Variants in NME9 observed in about 807,000 individuals in gnomAD.
The protein encoded by NME9 is NME/NM23 family member 9, also known as thioredoxin domain-containing protein 6.
A neutral mutation model predicts 44.4 loss-of-function variants in NME9; 48 were observed. The ratio of observed to expected loss-of-function variants is 1.08; its 90% confidence interval spans 0.86 to 1.37. NME9 has a LOEUF of 1.37. NME9 is among the 40% of genes most tolerant of loss of function. NME9 has a pLI of 0.00. For missense variants in NME9, 325 were observed against 405.2 expected (o/e 0.80, Z 1.70); for synonymous variants, 139 against 147.1 (o/e 0.94, Z 0.40).
intron 8 of NME9, 22 bp from the exon 9 acceptor site, chr3:138,305,049 A>C: frequency 1.2e-6 from 2 of 1,611,780 alleles, no homozygotes; most frequent in Non-Finnish European, 1.7e-6. Context: ...GAGGGAAAAC[A>C]GTGACCAGGG....
At chr3:138,308,414 T>G (rs1480895829) in intron 6 of NME9, among the ~76,000 whole-genome samples, 6 of 152,138 alleles carry the variant, frequency 3.9e-5, no homozygotes, top group African/African-American at 1.2e-4. Flanking sequence ...CCTTCCTAAC[T>G]GTTAGCTTTT....
chr3:138,270,013 A>AT (rs112482442), intron 8 of NME9: 5,989 of 1,393,190 alleles, frequency 4.3e-3, no homozygotes, highest in Non-Finnish European at 4.7e-3. Flanking sequence ...TAAAGCTGTG[A>AT]TTTTTTTTTT....
chr3:138,301,679 C>A lies in NME9; in HGVS notation c.954G>T (p.Gly318=), dbSNP rs1577109752. Residue 318 remains glycine, a synonymous_variant, in exon 11 of 11, where the codon GGG becomes GGT. Transcript: ENST00000333911. ...PQGGEAEATA[G]PTEALCFPED... Reference sequence around the variant, plus strand: ...CAGGAAAGCAAAGCGCCTCAGTGGGCCCCGCTGTTGCTTCAGCCTCACCGC... The same window carrying A: ...CAGGAAAGCAAAGCGCCTCAGTGGGACCCGCTGTTGCTTCAGCCTCACCGC... 1.3e-6 allele frequency: 2 copies of A among 1,536,046 alleles called. No individual in the cohort carries two copies. The highest frequency in any genetic ancestry group is 1.7e-6 in the Non-Finnish European group (2 of 1,146,844).
intron 1 of NME9, among the ~76,000 whole-genome samples, chr3:138,328,559 T>C (rs2053936028): frequency 6.6e-6 from 1 of 152,176 alleles, no homozygotes; most frequent in Non-Finnish European, 1.5e-5. Context: ...GGCCAGCTGA[T>C]GATGAGGCAT....
chr3:138,319,797 A>G (rs74735567), intron 2 of NME9, among the ~76,000 whole-genome samples: 1 of 152,214 alleles, frequency 6.6e-6, no homozygotes. Flanking sequence ...AATTCTAAAT[A>G]CAGTATAAGC....
At chr3:138,281,871 T>TC (rs916076541) in intron 8 of NME9, among the ~76,000 whole-genome samples, 6 of 152,070 alleles carry the variant, frequency 3.9e-5, no homozygotes, top group African/African-American at 1.2e-4. Context: ...CCATTTCTCT[T>TC]CCCCCCATGA....
rs749162218 is a variant in NME9, at chr3:138,318,157, CAGAA to C, written c.254_257del (p.Phe85CysfsTer25). 1.1e-5 allele frequency: 17 copies of C among 1,603,606 alleles called. No homozygotes were observed. Among genetic ancestry groups the C allele is most frequent in the Non-Finnish European group, 1.4e-5 (16 of 1,170,558 alleles). ...CTGAAAATGTACTTACTGCATAAAA[CAGAA>C]AGGTTGGCTCGCACTTCCCTCTGTA... On this transcript the variant is annotated frameshift_variant, in exon 4 of 11. Transcript: ENST00000333911. LOFTEE classifies it high-confidence loss of function.
chr3:138,290,472 T>C, intron 8 of NME9: 1 of 1,116,966 alleles, frequency 9.0e-7, no homozygotes, highest in Non-Finnish European at 1.3e-6. Flanking sequence ...GGTAAGGCTC[T>C]AGATTGTTAA....
At chr3:138,310,930 A>C (rs2052658364) in intron 6 of NME9, among the ~76,000 whole-genome samples, 1 of 152,178 alleles carries the variant, frequency 6.6e-6, no homozygotes, top group Non-Finnish European at 1.5e-5. Flanking sequence ...AAATAAATGA[A>C]ATTGAGCCTA....
In NME9 at chr3:138,279,923, G is replaced by A. The variant is rs193219944; in HGVS notation, c.746-17337C>T. Among the ~76,000 whole-genome samples the A allele has an allele frequency of 3.5e-3, 527 of 150,714 alleles. 2 individuals are homozygous for A. The highest frequency in any genetic ancestry group is 0.012 in the African/African-American group (498 of 41,060). On this transcript the variant is annotated intron_variant, in intron 8 of 8. Coordinates refer to the NME9 transcript ENST00000317876. ...TTGGTAATTCCTTTTTTTTTTCTTGGAGACAGAGTCTCGCTGTGTCACCCA... is the reference window on the plus strand; with the variant it reads ...TTGGTAATTCCTTTTTTTTTTCTTGAAGACAGAGTCTCGCTGTGTCACCCA...
At chr3:138,313,314 C>T (rs2052831720) in intron 6 of NME9, among the ~76,000 whole-genome samples, 1 of 152,116 alleles carries the variant, frequency 6.6e-6, no homozygotes, top group Non-Finnish European at 1.5e-5. Flanking sequence ...ATTGCTTGAA[C>T]CTGGGAGGCA....
chr3:138,316,647 T>C (rs2053103682), intron 4 of NME9, among the ~76,000 whole-genome samples: 1 of 152,080 alleles, frequency 6.6e-6, no homozygotes, highest in African/African-American at 2.4e-5. Flanking sequence ...GGAGTTTCAC[T>C]CTTGTTGCCC....
At position 138,270,688 on chromosome 3, in the gene NME9, A is replaced by AT. The variant is rs149137521; in HGVS notation, c.746-8103dup. On this transcript the variant is annotated intron_variant, in intron 8 of 8. Transcript: ENST00000317876. ...TGTGTATTACCTCACATATTTAACC[A>AT]TTTTTTGCAGAATGATTAACTTGTC... Among the ~76,000 whole-genome samples the AT allele has an allele frequency of 5.2e-3, 796 of 152,264 alleles. 8 individuals carry two copies. The highest frequency in any genetic ancestry group is 0.018 in the African/African-American group (765 of 41,556).
At chr3:138,273,120 A>G in intron 8 of NME9, 1 of 1,601,210 alleles carries the variant, frequency 6.2e-7, no homozygotes. Flanking sequence ...TCGTCCTGTA[A>G]GTAAAATCAC....
At chr3:138,306,949 C>T (rs2052317326) in intron 6 of NME9, among the ~76,000 whole-genome samples, 1 of 152,200 alleles carries the variant, frequency 6.6e-6, no homozygotes, top group South Asian at 2.1e-4. Flanking sequence ...CAGCACTCTA[C>T]CTGCTGTCTG....
rs1262644802 is a variant in NME9 at position 138,294,494 on chromosome 3, GA to G, written c.745+9012del. 2.0e-5 allele frequency among the ~76,000 whole-genome samples: 3 copies of G among 152,328 alleles called. No individual in the cohort carries two copies. In the South Asian group the frequency reaches 6.2e-4, roughly 32 times the overall value. On this transcript the variant is annotated intron_variant, in intron 8 of 8. Transcript: ENST00000317876. ...TAATCTTTCTAGAGCTTTCTGTTCT[GA>G]TGGATTGGACTATTCACAATATCAT... is the stretch of plus-strand genomic sequence containing the variant.
In NME9 at chr3:138,319,483, C is replaced by T; in HGVS notation, c.190G>A (p.Ala64Thr). ...TGGCTGAGAGAGAATCTTACTAATG[C>T]AAAGTGCAGAAGGTCCAGGCCGACC... is the stretch of plus-strand genomic sequence containing the variant. Reference protein sequence around the residue: ...IEVGLDLLHFALAEADRLDVL... With the variant: ...IEVGLDLLHFTLAEADRLDVL... The change falls in exon 3 of 11, where the codon GCA (alanine) becomes ACA (threonine). Residue 64 changes from alanine (A) to threonine (T), a missense_variant. Transcript: ENST00000333911. 6.3e-7 allele frequency: 1 copy of T among 1,584,666 alleles called. No individual in the cohort carries two copies. The highest frequency in any genetic ancestry group is 1.3e-5 in the African/African-American group (1 of 74,420).
In NME9 at chr3:138,292,936, A is replaced by G. The variant is rs567630080; in HGVS notation, c.745+10571T>C. Among the ~76,000 whole-genome samples, 14 of 152,310 alleles carry G rather than the reference A, an allele frequency of 9.2e-5. No homozygotes were observed. The South Asian group carries it at 1.5e-3, about 16-fold the overall frequency. On this transcript the variant is annotated intron_variant, in intron 8 of 8. Transcript: ENST00000317876. The stretch of plus-strand genomic sequence containing the variant: ...ACTCAGGCGCATAAGGTGTCCAGAA[A>G]ACAAAGGAAAAAGATGCCTGGACGG...
At chr3:138,263,655 G>A in intron 8 of NME9, 1 of 1,168,034 alleles carries the variant, frequency 8.6e-7, no homozygotes, top group South Asian at 1.2e-5. Flanking sequence ...AACTTTTAAT[G>A]GATGTTAACA....
Sources: allele counts gnomAD v4.1 joint callset (sites outside exome capture counted in the v4.1 genomes callset), GRCh38; gene constraint gnomAD v4.1.1; transcripts MANE v1.5; gene names NCBI Gene and HGNC (gene_info 2026-07-23, HGNC 2026-07-21).